HAPLN4: variants seen among roughly 807,000 people sequenced by gnomAD.
The protein encoded by HAPLN4 is hyaluronan and proteoglycan link protein 4.
In HAPLN4, 19 loss-of-function variants were observed where a neutral mutation model predicts 28.0. The ratio of observed to expected loss-of-function variants is 0.68; its 90% CI spans 0.47 to 1.00. HAPLN4 has a LOEUF of 1.00. HAPLN4 is among the 50% of genes least tolerant of loss of function. HAPLN4 has a pLI of 0.00. For missense variants in HAPLN4, 587 were observed against 602.6 expected (o/e 0.97, Z 0.27); for synonymous variants, 274 against 273.0 (o/e 1.00, Z -0.03).
chr19:19,261,224 G>A, intron 2 of HAPLN4, 49 bp from the exon 3 acceptor site: 1 of 1,549,198 alleles, frequency 6.5e-7, no homozygotes, highest in Non-Finnish European at 8.7e-7. Context: ...GGGCAGAAGG[G>A]GGCCTCTGGG....
intron 1 of HAPLN4, among the ~76,000 whole-genome samples, chr19:19,262,225 T>G (rs1463368232): frequency 9.3e-4 from 76 of 81,866 alleles, no homozygotes; most frequent in Middle Eastern, 0.011. Context: ...AAGACAGAGA[T>G]GGAAAGGGAG....
At chr19:19,261,769 C>A in intron 1 of HAPLN4, 1 of 504,424 alleles carries the variant, frequency 2.0e-6, no homozygotes. Context: ...CTAGACTCCC[C>A]CCCGCCCTCA....
At position 19,257,686 on chromosome 19, in the gene HAPLN4, C is replaced by A; in HGVS notation, c.*131G>T. On this transcript the variant is annotated 3_prime_UTR_variant, in exon 5 of 5. Transcript: ENST00000291481. ...AGCCAGTCTTCAGGGACCCCAGGGGCACAGTTAGTTTGTAAGGGACCACAG... is the reference window on the plus strand; with the variant it reads ...AGCCAGTCTTCAGGGACCCCAGGGGAACAGTTAGTTTGTAAGGGACCACAG... 8.9e-7 allele frequency: 1 copy of A among 1,127,488 alleles called. No individual in the cohort carries two copies. The highest frequency in any genetic ancestry group is 1.1e-6 in the Non-Finnish European group (1 of 873,292). 69.8% of individuals were successfully genotyped at this position (1,127,488 alleles called of 1,614,324 possible).
chr19:19,259,021 T>C (rs867643618), intron 3 of HAPLN4, among the ~76,000 whole-genome samples, 166 bp from the exon 4 acceptor site: 2 of 152,296 alleles, frequency 1.3e-5, no homozygotes, highest in African/African-American at 2.4e-5. Context: ...CATATAGCTG[T>C]CTCCCTTCAC....
Position 19,257,868 on chromosome 19 carries a change from G to A in HAPLN4, c.1158C>T (p.Gly386=). ...GWGWGWAGGG[G]WAGGARDPAA... ...CAGGATCGCGCGCGCCCCCTGCCCA[G>A]CCGCCGCCGCCCGCCCAGCCCCAGC... The change falls in exon 5 of 5, where the codon GGC becomes GGT. Residue 386 remains glycine, a synonymous_variant. Transcript: ENST00000291481. 1 of 1,430,606 alleles carries A rather than the reference G, an allele frequency of 7.0e-7. No individual in the cohort carries two copies. The allele number at this position is 1,430,606 out of a possible 1,614,324, so 88.6% of individuals were successfully genotyped here.
Position 19,258,410 on chromosome 19 carries a change from C to G in HAPLN4, c.817+113G>C. On this transcript the variant is annotated intron_variant, in intron 4 of 4. Coordinates refer to ENST00000291481, the MANE Select transcript of HAPLN4 (RefSeq NM_023002.3). This position sits in a 1 kb window ranked among gnomAD's most constrained non-coding sequence, Gnocchi z 6.2. Reference sequence around the variant, plus strand: ...AGGCGGTGTGTGCTGCGCCTAGGCACTCTTGGGAGAGGGGTCTCCTGTTTC... The same window carrying G: ...AGGCGGTGTGTGCTGCGCCTAGGCAGTCTTGGGAGAGGGGTCTCCTGTTTC... The G allele has an allele frequency of 8.1e-7, 1 of 1,227,764 alleles. No individual in the cohort carries two copies. Among genetic ancestry groups the G allele is most frequent in the Non-Finnish European group, 1.1e-6 (1 of 876,146 alleles). 76.1% of individuals were successfully genotyped at this position (1,227,764 alleles called of 1,614,324 possible). A position where few individuals can be genotyped will look rare whatever the true frequency, so the allele number is the denominator to read the frequency against.
Position 19,256,816 on chromosome 19 carries a change from A to G in HAPLN4, c.*1001T>C, listed in dbSNP as rs922641654. ...GCCAATGAGATGAGAAATGTGTGGT[A>G]TCCATGGTTACAGCTGGAGGAGGGA... On this transcript the variant is annotated 3_prime_UTR_variant, in exon 5 of 5. Coordinates refer to ENST00000291481, the MANE Select transcript of HAPLN4 (RefSeq NM_023002.3). 1 of 152,770 alleles carries G rather than the reference A, an allele frequency of 6.5e-6. No individual in the cohort carries two copies. The highest frequency in any genetic ancestry group is 1.5e-5 in the Non-Finnish European group (1 of 68,200). 9.5% of individuals were successfully genotyped at this position (152,770 alleles called of 1,614,324 possible). A position where few individuals can be genotyped will look rare whatever the true frequency, so the allele number is the denominator to read the frequency against.
rs1447260719 is a variant in HAPLN4, at chr19:19,256,601, T to TGGGGGTG, written c.*1209_*1215dup. ...CAACAGTGGTGGGGTCCAAACCGCC[T>TGGGGGTG]GGGGGTGGAGCATGGAGGGTGGTCT... On this transcript the variant is annotated 3_prime_UTR_variant, in exon 5 of 5. Coordinates refer to ENST00000291481, the MANE Select transcript of HAPLN4 (RefSeq NM_023002.3). 1 of 152,500 alleles carries TGGGGGTG rather than the reference T, an allele frequency of 6.6e-6. No individual in the cohort carries two copies. The highest frequency in any genetic ancestry group is 2.4e-5 in the African/African-American group (1 of 41,370). 9.4% of individuals were successfully genotyped at this position (152,500 alleles called of 1,614,324 possible).
At chr19:19,261,234 G>T in intron 2 of HAPLN4, 59 bp from the exon 3 acceptor site, 1 of 1,537,496 alleles carries the variant, frequency 6.5e-7, no homozygotes, top group Non-Finnish European at 8.8e-7. Context: ...GGGCCTCTGG[G>T]GAAGGTGTCT....
At position 19,257,054 on chromosome 19, in the gene HAPLN4, C is replaced by T. The variant is rs2060967690; in HGVS notation, c.*763G>A. On this transcript the variant is annotated 3_prime_UTR_variant, in exon 5 of 5. Transcript: ENST00000291481. ...CGTCAGAGGACAGGGTGGGTTTGCT[C>T]TCCCTTCAAAGAAATATCTGAGGGG... 6.6e-6 allele frequency: 1 copy of T among 152,356 alleles called. No homozygotes were observed. Among genetic ancestry groups the T allele is most frequent in the African/African-American group, 2.4e-5 (1 of 41,374 alleles). The allele number at this position is 152,356 out of a possible 1,614,324, so 9.4% of individuals were successfully genotyped here.
At position 19,258,144 on chromosome 19, in the gene HAPLN4, A is replaced by C. The variant is rs537969640; in HGVS notation, c.882T>G (p.Ala294=). 139 of 1,546,640 alleles carry C rather than the reference A, an allele frequency of 9.0e-5. No individual in the cohort carries two copies. Among genetic ancestry groups the C allele is most frequent in the African/African-American group, 4.3e-4 (32 of 73,740 alleles). ...CCTTGGCCACGGCCGCGCCACGCGCAGCACACGCGCGCGCAGCTCCGGAGA... is the reference window on the plus strand; with the variant it reads ...CCTTGGCCACGGCCGCGCCACGCGCCGCACACGCGCGCGCAGCTCCGGAGA... ...VPFSGAARAC[A]ARGAAVAKVG... The change falls in exon 5 of 5, where the codon GCT becomes GCG. Residue 294 remains alanine (A), a synonymous_variant. Coordinates refer to ENST00000291481, the MANE Select transcript of HAPLN4 (RefSeq NM_023002.3). This position sits in a 1 kb window ranked among gnomAD's most constrained non-coding sequence, Gnocchi z 6.2.
At position 19,261,190 on chromosome 19, in the gene HAPLN4, G is replaced by A; in HGVS notation, c.122-15C>T. ...CGACTCACCCTCTGAGGACAACCAA[G>A]CAGGGTTCAGAGGAGGGGCCTAGGG... On this transcript the variant is annotated splice_polypyrimidine_tract_variant and intron_variant, in intron 2 of 4. Transcript: ENST00000291481. 1 of 1,583,724 alleles carries A rather than the reference G, an allele frequency of 6.3e-7. No individual in the cohort carries two copies. Among genetic ancestry groups the A allele is most frequent in the Non-Finnish European group, 8.6e-7 (1 of 1,162,326 alleles).
intron 1 of HAPLN4, among the ~76,000 whole-genome samples, 192 bp downstream of exon 1, chr19:19,262,538 T>TGG (rs2060987708): frequency 7.1e-6 from 1 of 140,316 alleles, no homozygotes; most frequent in Admixed American, 7.0e-5. Context: ...ATGACAGAGA[T>TGG]GGAGAGAGGC....
rs764454189 is a variant in HAPLN4 at position 19,261,195 on chromosome 19, G to T, written c.122-20C>A. 6.3e-6 allele frequency: 10 copies of T among 1,579,158 alleles called. No homozygotes were observed. The highest frequency in any genetic ancestry group is 8.6e-6 in the Non-Finnish European group (10 of 1,160,688). ...CACCCTCTGAGGACAACCAAGCAGG[G>T]TTCAGAGGAGGGGCCTAGGGGCAGA... On this transcript the variant is annotated intron_variant, in intron 2 of 4. Transcript: ENST00000291481.
intron 3 of HAPLN4, among the ~76,000 whole-genome samples, chr19:19,259,574 C>G (rs2060976982): frequency 6.6e-6 from 1 of 152,166 alleles, no homozygotes; most frequent in Non-Finnish European, 1.5e-5. Context: ...CCAACTAGCA[C>G]TGTCCTGGGC....
intron 2 of HAPLN4, 34 bp downstream of exon 2, chr19:19,261,412 G>A (rs748793718): frequency 1.3e-6 from 2 of 1,569,044 alleles, no homozygotes; most frequent in Non-Finnish European, 1.8e-6. Context: ...TCTGCTTTTC[G>A]CGGAGAAGAC....
At position 19,258,030 on chromosome 19, in the gene HAPLN4, G is replaced by A. The variant is rs1340632573; in HGVS notation, c.996C>T (p.Ile332=). Residue 332 remains isoleucine, a synonymous_variant, in exon 5 of 5, where the codon ATC becomes ATT. Coordinates refer to ENST00000291481, the MANE Select transcript of HAPLN4 (RefSeq NM_023002.3). The surrounding 1 kb of genome is among the most constrained non-coding windows in gnomAD (Gnocchi z 6.2). Reference sequence around the variant, plus strand: ...CTCCGCAGCGCGCTCGCGGGTTCACGATGGGGTAGCGCGCACTGCCATCGG... The same window carrying A: ...CTCCGCAGCGCGCTCGCGGGTTCACAATGGGGTAGCGCGCACTGCCATCGG... ...WLADGSARYP[I]VNPRARCGGR... 3 of 1,532,608 alleles carry A rather than the reference G, an allele frequency of 2.0e-6. No homozygotes were observed. Among genetic ancestry groups the A allele is most frequent in the Middle Eastern group, 1.7e-4 (1 of 5,832 alleles). 94.9% of individuals were successfully genotyped at this position (1,532,608 alleles called of 1,614,324 possible).
chr19:19,261,270 C>A, intron 2 of HAPLN4, 95 bp from the exon 3 acceptor site: 1 of 1,230,430 alleles, frequency 8.1e-7, no homozygotes, highest in South Asian at 1.4e-5. Context: ...TGGGAAGACT[C>A]GGGTGGGGGT....
intron 3 of HAPLN4, among the ~76,000 whole-genome samples, chr19:19,259,377 C>A (rs574197758): frequency 6.6e-6 from 1 of 152,174 alleles, no homozygotes; most frequent in Non-Finnish European, 1.5e-5. Flanking sequence ...TCCCTTCTAC[C>A]TTCAGTTCTG....
Sources: allele counts gnomAD v4.1 joint callset (sites outside exome capture counted in the v4.1 genomes callset), GRCh38; gene constraint gnomAD v4.1.1; non-coding constraint Gnocchi (gnomAD v3.1); transcripts MANE v1.5; gene names NCBI Gene and HGNC (gene_info 2026-07-23, HGNC 2026-07-21).